The following ATP2A3 variants were observed in gnomAD, a reference collection of about 807,000 sequenced individuals.
ATP2A3 encodes sarcoplasmic/endoplasmic reticulum calcium ATPase 3.
ATP2A3 carries 61 observed loss-of-function variants against 106.8 expected under a neutral mutation model. The observed-to-expected ratio is 0.57, with a 90% CI of 0.46 to 0.71. The LOEUF is 0.71. Ranked by LOEUF, ATP2A3 falls within the 30% of genes least tolerant of loss-of-function variation. ATP2A3 has a pLI of 0.00. For synonymous variants in ATP2A3, 611 were observed against 609.3 expected (o/e 1.00, Z -0.04); for missense variants, 1,201 against 1,423.5 (o/e 0.84, Z 2.52).
At chr17:3,951,558 G>GGC in intron 4 of ATP2A3, 23 bp downstream of exon 4, 18 of 716,132 alleles carry the variant, frequency 2.5e-5, no homozygotes, top group Non-Finnish European at 3.7e-5. Flanking sequence ...CCCCCGCCCG[G>GGC]TCCCACCCCC....
rs116316853 is a variant in ATP2A3 at position 3,925,645 on chromosome 17, G to A, written c.2981-204C>T. ...GATCCATCCCCGCAACGTCCCCCACGCCTCCTTCACTCCACTGTTCCATCA... is the reference window on the plus strand; with the variant it reads ...GATCCATCCCCGCAACGTCCCCCACACCTCCTTCACTCCACTGTTCCATCA... On this transcript the variant is annotated intron_variant, in intron 20 of 20. Transcript: ENST00000397041. This position sits in a 1 kb window ranked among gnomAD's most constrained non-coding sequence, Gnocchi z 4.2. 1.3e-3 allele frequency among the ~76,000 whole-genome samples: 170 copies of A among 126,232 alleles called. No homozygotes were observed. Among genetic ancestry groups the A allele is most frequent in the African/African-American group, 5.0e-3 (161 of 32,316 alleles). The allele number at this position is 126,232 out of a possible 152,430, so 82.8% of individuals were successfully genotyped here.
Position 3,930,464 on chromosome 17 carries a change from C to A in ATP2A3, c.2611-30G>T. ...GGGCACCGTGGCAGGTCAGAGAGAG[C>A]GGCAGGTCAGGCGAGGGGCTGGTGG... On this transcript the variant is annotated intron_variant, in intron 17 of 20. Coordinates refer to ENST00000397041, the MANE Select transcript of ATP2A3 (RefSeq NM_005173.4). This position sits in a 1 kb window ranked among gnomAD's most constrained non-coding sequence, Gnocchi z 5.4. 1 of 1,612,000 alleles carries A rather than the reference C, an allele frequency of 6.2e-7. No homozygotes were observed. Among genetic ancestry groups the A allele is most frequent in the East Asian group, 2.2e-5 (1 of 44,832 alleles).
At chr17:3,943,726 T>A (rs996031557) in intron 10 of ATP2A3, among the ~76,000 whole-genome samples, 3 of 152,156 alleles carry the variant, frequency 2.0e-5, no homozygotes, top group Admixed American at 6.5e-5. Context: ...CACACTGGCA[T>A]TGATCGCCAC....
intron 17 of ATP2A3, among the ~76,000 whole-genome samples, chr17:3,934,348 C>T (rs1291342251): frequency 1.3e-5 from 2 of 151,876 alleles, no homozygotes; most frequent in African/African-American, 2.4e-5. Flanking sequence ...CTCAGCCTCC[C>T]AAGAAGCTAC....
At chr17:3,951,165 T>C in intron 5 of ATP2A3, 86 bp downstream of exon 5, 1 of 1,124,922 alleles carries the variant, frequency 8.9e-7, no homozygotes, top group Non-Finnish European at 1.1e-6. Context: ...AGAGCACGAC[T>C]CCATCTCAAA....
In ATP2A3 at chr17:3,953,271, C is replaced by T; in HGVS notation, c.219+76G>A. On this transcript the variant is annotated intron_variant, in intron 3 of 20. Coordinates refer to ENST00000397041, the MANE Select transcript of ATP2A3 (RefSeq NM_005173.4). The surrounding 1 kb of genome is among the most constrained non-coding windows in gnomAD (Gnocchi z 5.1). ...GGAGGACAGGCCCAGGCTCCAGGAC[C>T]TCGGAGCACTGCCCAGCCTGGCTCT... The T allele has an allele frequency of 1.3e-6, 2 of 1,524,686 alleles. No individual in the cohort carries two copies. The highest frequency in any genetic ancestry group is 1.7e-5 in the Admixed American group (1 of 59,894). The allele number at this position is 1,524,686 out of a possible 1,614,324, so 94.4% of individuals were successfully genotyped here.
chr17:3,960,317 A>T (rs560476718), intron 1 of ATP2A3, among the ~76,000 whole-genome samples: 1 of 152,232 alleles, frequency 6.6e-6, no homozygotes, highest in Non-Finnish European at 1.5e-5. Context: ...AGGGCAGCAA[A>T]TAAGGCCAGA....
At chr17:3,948,982 G>T (rs533639210) in intron 7 of ATP2A3, among the ~76,000 whole-genome samples, 2 of 152,168 alleles carry the variant, frequency 1.3e-5, no homozygotes, top group East Asian at 3.9e-4. Flanking sequence ...ACAAAAATTA[G>T]CTGGGCACGG....
intron 17 of ATP2A3, among the ~76,000 whole-genome samples, chr17:3,932,364 G>A (rs1373127530): frequency 4.6e-5 from 7 of 152,048 alleles, no homozygotes; most frequent in African/African-American, 1.4e-4. Context: ...GGCTGGTCTC[G>A]ATCTCCTGAC....
Position 3,924,869 on chromosome 17 carries a change from A to AG in ATP2A3, c.*552dup, listed in dbSNP as rs1434835761. 2 of 456,674 alleles carry AG rather than the reference A, an allele frequency of 4.4e-6. 1 individual carries two copies. The highest frequency in any genetic ancestry group is 4.7e-5 in the Admixed American group (2 of 42,554). 28.3% of individuals were successfully genotyped at this position (456,674 alleles called of 1,614,324 possible). A position where few individuals can be genotyped will look rare whatever the true frequency, so the allele number is the denominator to read the frequency against. On this transcript the variant is annotated 3_prime_UTR_variant, in exon 21 of 21. Coordinates refer to ENST00000397041, the MANE Select transcript of ATP2A3 (RefSeq NM_005173.4). This position sits in a 1 kb window ranked among gnomAD's most constrained non-coding sequence, Gnocchi z 6.4. ...ACTTTGTGGAAGCAGAGTGGAGTGGAGGGGGCTGCCCACCCTCGCTGTACA... is the reference window on the plus strand; with the variant it reads ...ACTTTGTGGAAGCAGAGTGGAGTGGAGGGGGGCTGCCCACCCTCGCTGTACA...
In ATP2A3 at chr17:3,924,859, A is replaced by G; in HGVS notation, c.*563T>C. On this transcript the variant is annotated 3_prime_UTR_variant, in exon 21 of 21. Coordinates refer to ENST00000397041, the MANE Select transcript of ATP2A3 (RefSeq NM_005173.4). This position sits in a 1 kb window ranked among gnomAD's most constrained non-coding sequence, Gnocchi z 6.4. ...TCGGGAGCCGACTTTGTGGAAGCAG[A>G]GTGGAGTGGAGGGGGCTGCCCACCC... The G allele has an allele frequency of 4.4e-6, 2 of 456,810 alleles. No individual in the cohort carries two copies. The highest frequency in any genetic ancestry group is 3.1e-5 in the South Asian group (2 of 64,562). 28.3% of individuals were successfully genotyped at this position (456,810 alleles called of 1,614,324 possible). A position where few individuals can be genotyped will look rare whatever the true frequency, so the allele number is the denominator to read the frequency against.
Position 3,929,591 on chromosome 17 carries a change from C to G in ATP2A3, c.2745-146G>C, listed in dbSNP as rs2144238453. The G allele has an allele frequency of 1.4e-6, 1 of 691,252 alleles. No individual in the cohort carries two copies. The highest frequency in any genetic ancestry group is 1.8e-5 in the South Asian group (1 of 55,162). 42.8% of individuals were successfully genotyped at this position (691,252 alleles called of 1,614,324 possible). A position where few individuals can be genotyped will look rare whatever the true frequency, so the allele number is the denominator to read the frequency against. The stretch of plus-strand genomic sequence containing the variant: ...TGCCAGGGCCTGTCCCGGGCTGGGA[C>G]CCCTTTCTCTGCCCCTCAGACCTAA... On this transcript the variant is annotated intron_variant, in intron 18 of 20. Transcript: ENST00000397041. This position sits in a 1 kb window ranked among gnomAD's most constrained non-coding sequence, Gnocchi z 4.3.
At chr17:3,939,657 C>T (rs555023563) in intron 14 of ATP2A3, among the ~76,000 whole-genome samples, 27 of 151,552 alleles carry the variant, frequency 1.8e-4, no homozygotes, top group African/African-American at 4.8e-4. Context: ...CATGGTGGTG[C>T]GCGCCTGTGG....
chr17:3,958,775 C>G (rs1449522759), intron 1 of ATP2A3, among the ~76,000 whole-genome samples: 2 of 132,334 alleles, frequency 1.5e-5, no homozygotes, highest in African/African-American at 6.1e-5. Flanking sequence ...CATATATATA[C>G]ACACACATAT....
In ATP2A3 at chr17:3,941,578, G is replaced by A; in HGVS notation, c.1622C>T (p.Ser541Phe). The change falls in exon 13 of 21, where the codon TCC (serine) becomes TTC (phenylalanine). Residue 541 changes from serine (S) to phenylalanine (F), a missense_variant. This residue lies in a region of ATP2A3 where 935 missense variants were observed against 1,176.7 expected (regional missense o/e 0.79). Coordinates refer to ENST00000397041, the MANE Select transcript of ATP2A3 (RefSeq NM_005173.4). ...GSRTAPLTPT[S>F]REQILAKIRD... ...GATCTTTGCCAGGATCTGCTCCCTGGAGGTGGGGGTCAGGGGTGCTGTGCG... is the reference window on the plus strand; with the variant it reads ...GATCTTTGCCAGGATCTGCTCCCTGAAGGTGGGGGTCAGGGGTGCTGTGCG... 1 of 1,613,394 alleles carries A rather than the reference G, an allele frequency of 6.2e-7. No individual in the cohort carries two copies. The highest frequency in any genetic ancestry group is 8.5e-7 in the Non-Finnish European group (1 of 1,180,034).
chr17:3,952,482 C>T (rs1172152148), intron 3 of ATP2A3, among the ~76,000 whole-genome samples: 1 of 152,228 alleles, frequency 6.6e-6, no homozygotes, highest in Admixed American at 6.5e-5. Flanking sequence ...GCAAGAGGTT[C>T]AGACCCCAAA....
At position 3,955,767 on chromosome 17, in the gene ATP2A3, G is replaced by A. The variant is rs928217696; in HGVS notation, c.119-2057C>T. Among the ~76,000 whole-genome samples, 4 of 152,156 alleles carry A rather than the reference G, an allele frequency of 2.6e-5. No individual in the cohort carries two copies. Among genetic ancestry groups the A allele is most frequent in the Admixed American group, 1.3e-4 (2 of 15,278 alleles). On this transcript the variant is annotated intron_variant, in intron 1 of 20. Coordinates refer to ENST00000397041, the MANE Select transcript of ATP2A3 (RefSeq NM_005173.4). The surrounding 1 kb of genome is among the most constrained non-coding windows in gnomAD (Gnocchi z 4.2). ...GGGGCGAGGCCTGGGGTTGGGAAGC[G>A]TGTCATGGGGTACACGTGCCAGCTC...
rs988914285 is a variant in ATP2A3 at position 3,931,993 on chromosome 17, G to A, written c.2611-1559C>T. Reference sequence around the variant, plus strand: ...CTCTGAGTATCGTTTCTCCTCTCTCGTGCAGGAAGAGAAATAAGCCTGGCT... The same window carrying A: ...CTCTGAGTATCGTTTCTCCTCTCTCATGCAGGAAGAGAAATAAGCCTGGCT... On this transcript the variant is annotated intron_variant, in intron 17 of 20. Transcript: ENST00000397041. Among the ~76,000 whole-genome samples the A allele has an allele frequency of 5.9e-5, 9 of 152,212 alleles. No individual in the cohort carries two copies. In the South Asian group the frequency reaches 6.2e-4, roughly 11 times the overall value.
rs12453032 is a variant in ATP2A3 at position 3,930,269 on chromosome 17, G to A, written c.2744+32C>T. Reference sequence around the variant, plus strand: ...CCCCAGCCCTCAGCCCCCACTCCTCGGCCCCAGCTCCAGGCCCTGCGCCCA... The same window carrying A: ...CCCCAGCCCTCAGCCCCCACTCCTCAGCCCCAGCTCCAGGCCCTGCGCCCA... On this transcript the variant is annotated intron_variant, in intron 18 of 20. Coordinates refer to ENST00000397041, the MANE Select transcript of ATP2A3 (RefSeq NM_005173.4). This position sits in a 1 kb window ranked among gnomAD's most constrained non-coding sequence, Gnocchi z 5.4. The A allele has an allele frequency of 5.6e-3, 6,790 of 1,218,812 alleles. 384 individuals carry two copies. The East Asian group carries it at 0.075, about 13-fold the overall frequency. 75.5% of individuals were successfully genotyped at this position (1,218,812 alleles called of 1,614,324 possible).
Sources: allele counts gnomAD v4.1 joint callset (sites outside exome capture counted in the v4.1 genomes callset), GRCh38; gene constraint gnomAD v4.1.1; regional missense constraint gnomAD v4.1.1; non-coding constraint Gnocchi (gnomAD v3.1); transcripts MANE v1.5; gene names NCBI Gene and HGNC (gene_info 2026-07-23, HGNC 2026-07-21).